PXDNL: variants seen among roughly 807,000 people sequenced by gnomAD.
The protein encoded by PXDNL is probable oxidoreductase PXDNL.
Under a neutral mutation model 150.8 loss-of-function variants are expected in PXDNL, and 145 were observed. The ratio of observed to expected loss-of-function variants is 0.96; its 90% CI spans 0.84 to 1.10. PXDNL has a LOEUF of 1.10. Ranked by LOEUF, PXDNL falls within the 50% of genes least tolerant of loss-of-function variation. PXDNL has a pLI of 0.00. For missense variants in PXDNL, 2,087 were observed against 1,873.9 expected, an observed-to-expected ratio of 1.11 and a Z score of -2.10; for synonymous variants, 757 against 725.7, an observed-to-expected ratio of 1.04 and a Z score of -0.69.
intron 2 of PXDNL, among the ~76,000 whole-genome samples, chr8:51,651,398 T>G (rs998876359): frequency 1.4e-4 from 21 of 152,318 alleles, no homozygotes; most frequent in African/African-American, 4.8e-4. Context: ...CTTTGAAATT[T>G]TCAAAATAAA....
intron 14 of PXDNL, among the ~76,000 whole-genome samples, chr8:51,415,851 AATTAATTAGTT>A (rs1808785369): frequency 1.3e-5 from 2 of 152,214 alleles, no homozygotes. Flanking sequence ...AAAGGTAATG[AATTAATTAGTT>A]AACCAATTGA....
At chr8:51,778,782 T>G (rs2037382472) in intron 1 of PXDNL, among the ~76,000 whole-genome samples, 1 of 152,236 alleles carries the variant, frequency 6.6e-6, no homozygotes, top group African/African-American at 2.4e-5. Flanking sequence ...TTAAAATAAC[T>G]GCTATGTCTT....
chr8:51,712,505 GTTTAACTCACTCATA>G (rs1357647641), intron 1 of PXDNL, among the ~76,000 whole-genome samples: 5 of 152,152 alleles, frequency 3.3e-5, no homozygotes, highest in African/African-American at 1.2e-4. Context: ...GGTTTTCTCT[GTTTAACTCACTCATA>G]TCCCAAGCAC....
intron 4 of PXDNL, among the ~76,000 whole-genome samples, chr8:51,541,770 C>T (rs1373829049): frequency 6.6e-6 from 1 of 152,124 alleles, no homozygotes; most frequent in Admixed American, 6.5e-5. Flanking sequence ...GAAACCACCT[C>T]TGGAAAACAC....
chr8:51,735,071 G>C (rs1454381709), intron 1 of PXDNL, among the ~76,000 whole-genome samples: 1 of 152,146 alleles, frequency 6.6e-6, no homozygotes, highest in Non-Finnish European at 1.5e-5. Context: ...AAAAAGATAA[G>C]TATGTGAGAT....
intron 4 of PXDNL, among the ~76,000 whole-genome samples, chr8:51,531,443 C>T (rs1233855507): frequency 6.6e-6 from 1 of 152,204 alleles, no homozygotes; most frequent in Non-Finnish European, 1.5e-5. Context: ...CCATCAGCCC[C>T]TGAGGGCCAC....
rs1815574861 is a variant in PXDNL, at chr8:51,674,827, C to T, written c.165-20067G>A. 2.0e-5 allele frequency among the ~76,000 whole-genome samples: 3 copies of T among 152,282 alleles called. No individual in the cohort carries two copies. In the South Asian group the frequency reaches 6.2e-4, roughly 32 times the overall value. ...AAAATGTAACTGAATATTAACTTGC[C>T]CAAGCATAAACCAAGCCCAGTTTCA... On this transcript the variant is annotated intron_variant, in intron 1 of 22. Coordinates refer to ENST00000356297, the MANE Select transcript of PXDNL (RefSeq NM_144651.5).
Position 51,408,612 on chromosome 8 carries a change from G to A in PXDNL, c.3012C>T (p.Ile1004=), listed in dbSNP as rs1370331286. The A allele has an allele frequency of 5.6e-6, 9 of 1,610,688 alleles. No homozygotes were observed. The highest frequency in any genetic ancestry group is 7.6e-6 in the Non-Finnish European group (9 of 1,178,556). Residue 1004 remains isoleucine (I), a synonymous_variant, in exon 17 of 23, where the codon ATC becomes ATT. Transcript: ENST00000356297. Reference sequence around the variant, plus strand: ...TGATGTGCTGCAGCTCCGCGCCCACGATCTTCCTGGCTTCCTGGTAAACCG... The same window carrying A: ...TGATGTGCTGCAGCTCCGCGCCCACAATCTTCCTGGCTTCCTGGTAAACCG... The part of the protein sequence containing the change: ...GNTVYQEARK[I]VGAELQHITY...
chr8:51,353,922 A>G (rs1280780093), intron 19 of PXDNL, among the ~76,000 whole-genome samples: 1 of 152,144 alleles, frequency 6.6e-6, no homozygotes, highest in Non-Finnish European at 1.5e-5. Context: ...ACCATTATCA[A>G]TATTTTGCTT....
intron 5 of PXDNL, 25 bp downstream of exon 5, chr8:51,499,674 G>A (rs775358394): frequency 6.4e-7 from 1 of 1,555,872 alleles, no homozygotes; most frequent in African/African-American, 1.4e-5. Flanking sequence ...CAGAAGCAAA[G>A]GACATCTAAA....
At chr8:51,744,077 G>A (rs369629058) in intron 1 of PXDNL, among the ~76,000 whole-genome samples, 15,424 of 44,080 alleles carry the variant, frequency 0.35, 2,822 homozygotes, top group African/African-American at 0.55. Context: ...AAGGAAGGAA[G>A]GAAGGAAGGA....
chr8:51,421,854 G>A (rs989370413), intron 14 of PXDNL, among the ~76,000 whole-genome samples: 7 of 152,162 alleles, frequency 4.6e-5, no homozygotes, highest in African/African-American at 1.4e-4. Flanking sequence ...TAGACCAGGG[G>A]TTCCCAACCC....
At chr8:51,486,771 TATATATATATATATATATATA>T (rs1189790138) in intron 5 of PXDNL, among the ~76,000 whole-genome samples, 46 of 8,810 alleles carry the variant, frequency 5.2e-3, no homozygotes, top group South Asian at 0.021. Context: ...TATATATATA[TATATATATATATATATATATA>T]TATTTTTTTT....
chr8:51,382,552 T>G (rs1002567642), intron 17 of PXDNL, among the ~76,000 whole-genome samples: 1 of 152,226 alleles, frequency 6.6e-6, no homozygotes, highest in Admixed American at 6.5e-5. Flanking sequence ...TTTAGTATAA[T>G]GTAATTTTAA....
intron 4 of PXDNL, among the ~76,000 whole-genome samples, chr8:51,524,112 C>G (rs2130395789): frequency 6.7e-6 from 1 of 148,348 alleles, no homozygotes; most frequent in East Asian, 2.0e-4. Flanking sequence ...CACCTCGGTT[C>G]CTCATGGCAC....
intron 12 of PXDNL, among the ~76,000 whole-genome samples, chr8:51,443,134 C>G (rs1332455997): frequency 6.6e-6 from 1 of 152,070 alleles, no homozygotes; most frequent in Non-Finnish European, 1.5e-5. Context: ...TTAGATTTCT[C>G]TCTCTTTTGA....
chr8:51,478,193 T>C (rs1433798039), intron 6 of PXDNL, among the ~76,000 whole-genome samples: 1 of 152,208 alleles, frequency 6.6e-6, no homozygotes, highest in African/African-American at 2.4e-5. Context: ...ATGGTTCTTA[T>C]GAATCTTTAT....
intron 4 of PXDNL, among the ~76,000 whole-genome samples, chr8:51,513,924 G>T (rs1373228477): frequency 2.6e-5 from 4 of 152,210 alleles, no homozygotes; most frequent in Non-Finnish European, 1.5e-5. Flanking sequence ...GAGAGAACTA[G>T]ACACAGCTTT....
chr8:51,737,256 A>G (rs1227213630), intron 1 of PXDNL, among the ~76,000 whole-genome samples: 1 of 152,196 alleles, frequency 6.6e-6, no homozygotes, highest in African/African-American at 2.4e-5. Flanking sequence ...TGTATCCTCT[A>G]CTCTAAACAC....
Sources: gnomAD v4.1 joint callset for allele counts (sites outside exome capture counted in the v4.1 genomes callset) on GRCh38, gnomAD v4.1.1 for gene constraint, MANE v1.5 for transcripts, NCBI Gene and HGNC (gene_info 2026-07-23, HGNC 2026-07-21) for gene names.